The following STRIP2 variants were observed in gnomAD, a reference collection of about 807,000 sequenced individuals.
The protein encoded by STRIP2 is striatin-interacting protein 2.
In STRIP2, 84 loss-of-function variants were observed where a neutral mutation model predicts 107.1. The observed-to-expected ratio is 0.78, with a 90% CI of 0.66 to 0.94. The LOEUF is 0.94. STRIP2 is among the 40% of genes least tolerant of loss of function. STRIP2 has a pLI of 0.00. For missense variants in STRIP2, 888 were observed against 1,034.2 expected (o/e 0.86, Z 1.94); for synonymous variants, 394 against 400.4 (o/e 0.98, Z 0.19).
chr7:129,444,677 C>A (rs578066334), intron 3 of STRIP2, among the ~76,000 whole-genome samples: 2 of 152,180 alleles, frequency 1.3e-5, no homozygotes, highest in African/African-American at 2.4e-5. Context: ...AACTCATACA[C>A]ATCTCCTGAG....
chr7:129,434,614 G>A lies in STRIP2; in HGVS notation c.129+13G>A, dbSNP rs1340200728. 2 of 1,476,616 alleles carry A rather than the reference G, an allele frequency of 1.4e-6. No individual in the cohort carries two copies. Among genetic ancestry groups the A allele is most frequent in the South Asian group, 2.5e-5 (2 of 79,158 alleles). The allele number at this position is 1,476,616 out of a possible 1,614,324, so 91.5% of individuals were successfully genotyped here. On this transcript the variant is annotated intron_variant, in intron 1 of 20. Coordinates refer to ENST00000249344, the MANE Select transcript of STRIP2 (RefSeq NM_020704.3). The stretch of plus-strand genomic sequence containing the variant: ...GCGGGAGTCAGAGGTGAGGAGCCCG[G>A]AAAGCTTCGGCTGGGGCCCGGAGAC...
At position 129,486,659 on chromosome 7, in the gene STRIP2, A is replaced by C. The variant is rs1243586122; in HGVS notation, c.*830A>C. On this transcript the variant is annotated 3_prime_UTR_variant, in exon 21 of 21. Transcript: ENST00000249344. ...CATCTAATTCATTTTTTAAATGACA[A>C]GTTAACTACAGGAGGCTTTATTTAT... The C allele has an allele frequency of 6.8e-6, 1 of 147,124 alleles. No individual in the cohort carries two copies. The highest frequency in any genetic ancestry group is 1.5e-5 in the Non-Finnish European group (1 of 64,832). 9.1% of individuals were successfully genotyped at this position (147,124 alleles called of 1,614,324 possible). A position where few individuals can be genotyped will look rare whatever the true frequency, so the allele number is the denominator to read the frequency against.
intron 4 of STRIP2, among the ~76,000 whole-genome samples, chr7:129,452,314 GC>G (rs1010727891): frequency 6.6e-6 from 1 of 152,128 alleles, no homozygotes; most frequent in African/African-American, 2.4e-5. Flanking sequence ...AAATGAGATA[GC>G]CTAGCTGGAG....
chr7:129,475,711 G>GCCTA (rs1798906128), intron 18 of STRIP2, among the ~76,000 whole-genome samples: 2 of 152,112 alleles, frequency 1.3e-5, no homozygotes, highest in African/African-American at 2.4e-5. Flanking sequence ...GGACCCTGCG[G>GCCTA]CCTACCGCAG....
chr7:129,453,109 A>G (rs1477486103), intron 4 of STRIP2, 118 bp from the exon 5 acceptor site: 6 of 1,434,586 alleles, frequency 4.2e-6, no homozygotes, highest in East Asian at 2.3e-5. Flanking sequence ...TGTCATACCT[A>G]TGTCAGCCTA....
At chr7:129,445,314 A>C (rs140252520) in intron 3 of STRIP2, among the ~76,000 whole-genome samples, 3,331 of 152,126 alleles carry the variant, frequency 0.022, 124 homozygotes, top group African/African-American at 0.074. Flanking sequence ...CTCCCTTCTT[A>C]GCCTGTTGAC....
intron 3 of STRIP2, among the ~76,000 whole-genome samples, chr7:129,451,130 G>T (rs1798178967): frequency 2.0e-5 from 3 of 151,822 alleles, no homozygotes; most frequent in Admixed American, 2.0e-4. Flanking sequence ...TAGAGACGGG[G>T]TTTCACCGTT....
intron 1 of STRIP2, among the ~76,000 whole-genome samples, chr7:129,435,360 G>C (rs959176388): frequency 6.6e-6 from 1 of 152,242 alleles, no homozygotes; most frequent in African/African-American, 2.4e-5. Flanking sequence ...CATTGAGGCA[G>C]TTCCCATCAG....
rs1450583726 is a variant in STRIP2, at chr7:129,454,422, G to A, written c.601G>A (p.Val201Met). ...VSIADSTELR[V>M]LLSVMYLMVE... ...CTTGTGACTCTTCTGTAACCCCAGGGTGCTGCTGAGTGTTATGTACCTAAT... is the reference window on the plus strand; with the variant it reads ...CTTGTGACTCTTCTGTAACCCCAGGATGCTGCTGAGTGTTATGTACCTAAT... Residue 201 changes from valine (V) to methionine (M), a missense_variant and splice_region_variant, in exon 7 of 21, where the codon GTG becomes ATG. By Grantham distance (21) the Val-to-Met change is conservative. Transcript: ENST00000249344. 9.3e-6 allele frequency: 15 copies of A among 1,612,278 alleles called. No individual in the cohort carries two copies. The highest frequency in any genetic ancestry group is 1.0e-5 in the Non-Finnish European group (12 of 1,178,502).
chr7:129,471,252 C>T lies in STRIP2; in HGVS notation c.1944+537C>T, dbSNP rs116144914. ...CTAGGCAAATCAGAAAAGTCACTCA[C>T]GGTTATTCTTAATTCCATGAAACTG... On this transcript the variant is annotated intron_variant, in intron 18 of 20. Coordinates refer to ENST00000249344, the MANE Select transcript of STRIP2 (RefSeq NM_020704.3). 6.7e-3 allele frequency among the ~76,000 whole-genome samples: 1,019 copies of T among 152,174 alleles called. 12 individuals are homozygous for T. Among genetic ancestry groups the T allele is most frequent in the African/African-American group, 0.023 (962 of 41,486 alleles).
intron 1 of STRIP2, among the ~76,000 whole-genome samples, chr7:129,435,504 G>A (rs1475742389): frequency 6.6e-6 from 1 of 152,122 alleles, no homozygotes; most frequent in Non-Finnish European, 1.5e-5. Flanking sequence ...TCAGACATCT[G>A]GCATAGTTGG....
rs1368319701 is a variant in STRIP2, at chr7:129,461,441, C to G, written c.1476+1069C>G. Among the ~76,000 whole-genome samples, 2 of 152,088 alleles carry G rather than the reference C, an allele frequency of 1.3e-5. No individual in the cohort carries two copies. The highest frequency in any genetic ancestry group is 4.8e-5 in the African/African-American group (2 of 41,392). On this transcript the variant is annotated intron_variant, in intron 13 of 20. Transcript: ENST00000249344. The surrounding 1 kb of genome is among the most constrained non-coding windows in gnomAD (Gnocchi z 4.0). ...GAAGAGAATGGAAGGCAGGACAAAGCCCTGGGGCACACCAGTATGTTGAGG... is the reference window on the plus strand; with the variant it reads ...GAAGAGAATGGAAGGCAGGACAAAGGCCTGGGGCACACCAGTATGTTGAGG...
chr7:129,464,553 C>T, intron 15 of STRIP2, 59 bp from the exon 16 acceptor site: 1 of 1,589,610 alleles, frequency 6.3e-7, no homozygotes. Context: ...ATACCTGGAT[C>T]CCTACAGGGC....
In STRIP2 at chr7:129,463,955, C is replaced by G. The variant is rs1474791972; in HGVS notation, c.1552-89C>G. 3.0e-6 allele frequency: 3 copies of G among 1,011,750 alleles called. No homozygotes were observed. In the East Asian group the frequency reaches 7.4e-5, roughly 25 times the overall value. The allele number at this position is 1,011,750 out of a possible 1,614,324, so 62.7% of individuals were successfully genotyped here. Reference sequence around the variant, plus strand: ...GAACTTACAGAATGGCTTTAAAACACTTTTTATAGGGCGGTTAGGGTGTGG... The same window carrying G: ...GAACTTACAGAATGGCTTTAAAACAGTTTTTATAGGGCGGTTAGGGTGTGG... On this transcript the variant is annotated intron_variant, in intron 14 of 20. Transcript: ENST00000249344.
At chr7:129,460,209 C>G (rs2151003868) in intron 12 of STRIP2, 92 bp from the exon 13 acceptor site, 2 of 1,156,236 alleles carry the variant, frequency 1.7e-6, no homozygotes, top group Middle Eastern at 2.7e-4. Flanking sequence ...ATAAGCAGAA[C>G]ATTTCCTTGC....
chr7:129,455,739 AG>A (rs1798328588), intron 8 of STRIP2, among the ~76,000 whole-genome samples: 1 of 152,156 alleles, frequency 6.6e-6, no homozygotes, highest in Non-Finnish European at 1.5e-5. Flanking sequence ...TAGCTGTAAA[AG>A]GTTGGGGTGA....
At chr7:129,452,520 T>G (rs1798223575) in intron 4 of STRIP2, among the ~76,000 whole-genome samples, 1 of 152,250 alleles carries the variant, frequency 6.6e-6, no homozygotes, top group Admixed American at 6.5e-5. Context: ...AACTTCCAAC[T>G]GCCAGTACCT....
intron 2 of STRIP2, among the ~76,000 whole-genome samples, chr7:129,443,599 G>A (rs1010750429): frequency 6.6e-6 from 1 of 152,178 alleles, no homozygotes; most frequent in South Asian, 2.1e-4. Flanking sequence ...CCCTTGCCAT[G>A]GTTTCCTGAT....
chr7:129,444,151 C>G, intron 3 of STRIP2, 53 bp downstream of exon 3: 1 of 1,344,544 alleles, frequency 7.4e-7, no homozygotes, highest in Non-Finnish European at 1.1e-6. Context: ...TATGATATAC[C>G]AGCCTGATCT....
Sources: gnomAD v4.1 joint callset for allele counts (sites outside exome capture counted in the v4.1 genomes callset) on GRCh38, gnomAD v4.1.1 for gene constraint, Gnocchi (gnomAD v3.1) non-coding constraint, MANE v1.5 for transcripts, NCBI Gene and HGNC (gene_info 2026-07-23, HGNC 2026-07-21) for gene names.